ARHGAP42: variants seen among roughly 807,000 people sequenced by gnomAD.
The protein encoded by ARHGAP42 is Rho GTPase activating protein 42.
A neutral mutation model predicts 125.0 loss-of-function variants in ARHGAP42; 63 were observed. That is an observed-to-expected ratio of 0.50 (90% CI 0.41 to 0.62). ARHGAP42 has a LOEUF of 0.62. Ranked by LOEUF, ARHGAP42 falls within the 20% of genes least tolerant of loss-of-function variation. The pLI, the probability that ARHGAP42 is intolerant of heterozygous loss-of-function variation, is 0.00. For synonymous variants in ARHGAP42, 339 were observed against 351.0 expected (o/e 0.97, Z 0.38); for missense variants, 766 against 1,024.2 (o/e 0.75, Z 3.44).
chr11:100,731,493 C>A (rs1361797567), intron 1 of ARHGAP42, among the ~76,000 whole-genome samples: 1 of 152,146 alleles, frequency 6.6e-6, no homozygotes, highest in Non-Finnish European at 1.5e-5. Context: ...CAGTAAATAA[C>A]TTCATCCTAA....
intron 1 of ARHGAP42, among the ~76,000 whole-genome samples, chr11:100,696,647 G>A (rs1861290280): frequency 6.6e-6 from 1 of 151,628 alleles, no homozygotes; most frequent in South Asian, 2.1e-4. Context: ...GAACCACTGT[G>A]CCCGGCCCCC....
At chr11:100,803,249 T>C (rs563700725) in intron 3 of ARHGAP42, among the ~76,000 whole-genome samples, 20 of 152,048 alleles carry the variant, frequency 1.3e-4, no homozygotes, top group African/African-American at 3.1e-4. Context: ...AGATGCGTAC[T>C]GTATATCTAA....
chr11:100,976,371 C>T lies in ARHGAP42; in HGVS notation c.2170C>T (p.Pro724Ser), dbSNP rs1188671437. 8 of 1,550,112 alleles carry T rather than the reference C, an allele frequency of 5.2e-6. No individual in the cohort carries two copies. The African/African-American group carries it at 8.2e-5, about 16-fold the overall frequency. Residue 724 changes from proline (P) to serine (S), a missense_variant, in exon 20 of 24, where the codon CCT becomes TCT. Physicochemically the swap from Pro to Ser is moderately conservative, Grantham distance 74. Transcript: ENST00000298815. ...ACCCATAGACCTAGTCAAGAAAGAG[C>T]CTTATGGGCTTTCAGGACTGAAAAG... ...SPPIDLVKKE[P>S]YGLSGLKRAS...
At position 100,756,970 on chromosome 11, in the gene ARHGAP42, G is replaced by A. The variant is rs184417687; in HGVS notation, c.155-13373G>A. Among the ~76,000 whole-genome samples the A allele has an allele frequency of 7.4e-3, 1,123 of 152,132 alleles. 8 individuals carry two copies. Among genetic ancestry groups the A allele is most frequent in the Middle Eastern group, 0.024 (7 of 294 alleles). ...TCTGATCAGTATCATGAATCACCCC[G>A]TAATAATAAAAATAATACTTTAAAC... On this transcript the variant is annotated intron_variant, in intron 1 of 23. Coordinates refer to ENST00000298815, the MANE Select transcript of ARHGAP42 (RefSeq NM_152432.4).
At chr11:100,859,444 A>C in intron 3 of ARHGAP42, 110 bp from the exon 4 acceptor site, 1 of 888,940 alleles carries the variant, frequency 1.1e-6, no homozygotes, top group South Asian at 1.8e-5. Flanking sequence ...TTATAGATGC[A>C]AACAAAAACA....
chr11:100,893,158 G>GGTGTGTGTGTGTGT (rs142725608), intron 4 of ARHGAP42, among the ~76,000 whole-genome samples: 1,592 of 147,048 alleles, frequency 0.011, 19 homozygotes, highest in East Asian at 0.034. Context: ...AACATTTAGG[G>GGTGTGTGTGTGTGT]GTGTGTGTGT....
At chr11:100,858,131 A>C (rs969873560) in intron 3 of ARHGAP42, among the ~76,000 whole-genome samples, 1 of 66,492 alleles carries the variant, frequency 1.5e-5, no homozygotes, top group African/African-American at 4.7e-5. Context: ...GTGTTTATGT[A>C]ATTAGGGTTT....
intron 20 of ARHGAP42, among the ~76,000 whole-genome samples, 152 bp from the exon 21 acceptor site, chr11:100,976,663 C>A (rs1037070617): frequency 6.6e-6 from 1 of 152,120 alleles, no homozygotes; most frequent in African/African-American, 2.4e-5. Flanking sequence ...TTTTGATCTC[C>A]CCAAGTGATG....
chr11:100,902,984 G>T (rs150648578), intron 4 of ARHGAP42, among the ~76,000 whole-genome samples: 82 of 152,228 alleles, frequency 5.4e-4, no homozygotes, highest in Middle Eastern at 3.4e-3. Flanking sequence ...AGCATGAATG[G>T]AGATGTGCCA....
intron 18 of ARHGAP42, 80 bp downstream of exon 18, chr11:100,973,414 C>T (rs931926609): frequency 4.3e-6 from 6 of 1,410,408 alleles, no homozygotes; most frequent in African/African-American, 1.5e-5. Flanking sequence ...TCTGTGAGCT[C>T]ATGAGTTTTG....
In ARHGAP42 at chr11:100,697,383, C is replaced by T. The variant is rs551159572; in HGVS notation, c.154+9551C>T. Reference sequence around the variant, plus strand: ...ATTTTTAGTAGAGACGGGGTTTCACCGTGTTAGCCAGGATGGTCTCCATCT... The same window carrying T: ...ATTTTTAGTAGAGACGGGGTTTCACTGTGTTAGCCAGGATGGTCTCCATCT... On this transcript the variant is annotated intron_variant, in intron 1 of 23. Coordinates refer to ENST00000298815, the MANE Select transcript of ARHGAP42 (RefSeq NM_152432.4). Among the ~76,000 whole-genome samples, 3 of 152,214 alleles carry T rather than the reference C, an allele frequency of 2.0e-5. No homozygotes were observed. In the South Asian group the frequency reaches 6.2e-4, roughly 32 times the overall value.
chr11:100,698,878 A>C (rs982983412), intron 1 of ARHGAP42, among the ~76,000 whole-genome samples: 1 of 152,148 alleles, frequency 6.6e-6, no homozygotes, highest in Non-Finnish European at 1.5e-5. Context: ...ATGAGCTAAG[A>C]GGGAGTTTTT....
chr11:100,938,054 A>ATTT (rs35164833), intron 8 of ARHGAP42, among the ~76,000 whole-genome samples: 31 of 147,300 alleles, frequency 2.1e-4, no homozygotes, highest in African/African-American at 7.2e-4. Context: ...CTCTTCTCTG[A>ATTT]TTTTTTTTTT....
intron 4 of ARHGAP42, among the ~76,000 whole-genome samples, chr11:100,911,362 G>A (rs925916417): frequency 6.6e-5 from 10 of 152,062 alleles, no homozygotes; most frequent in African/African-American, 2.4e-4. Flanking sequence ...GCTGTAAGTA[G>A]AACATGAACC....
intron 6 of ARHGAP42, among the ~76,000 whole-genome samples, chr11:100,929,017 G>A (rs1867502910): frequency 6.6e-6 from 1 of 152,084 alleles, no homozygotes; most frequent in Non-Finnish European, 1.5e-5. Context: ...CCAAATATTA[G>A]TTGATAGGTA....
In ARHGAP42 at chr11:100,960,137, A is replaced by G. The variant is rs138793914; in HGVS notation, c.1225+192A>G. ...TTCAGTTTACTAAAAATCATGCTTT[A>G]GGCATACTTCTTTTTTAGATTTTTT... is the stretch of plus-strand genomic sequence containing the variant. On this transcript the variant is annotated intron_variant, in intron 13 of 23. Transcript: ENST00000298815. Among the ~76,000 whole-genome samples the G allele has an allele frequency of 5.9e-3, 897 of 152,244 alleles. 8 individuals carry two copies. Among genetic ancestry groups the G allele is most frequent in the African/African-American group, 0.02 (824 of 41,542 alleles).
chr11:100,942,156 GGCA>G (rs1237047821), intron 9 of ARHGAP42, among the ~76,000 whole-genome samples: 1 of 152,068 alleles, frequency 6.6e-6, no homozygotes, highest in Non-Finnish European at 1.5e-5. Context: ...TCACATTTCC[GGCA>G]GCAGAGTTAT....
intron 23 of ARHGAP42, among the ~76,000 whole-genome samples, chr11:100,988,085 A>G (rs1193980014): frequency 1.3e-5 from 2 of 152,114 alleles, no homozygotes; most frequent in Non-Finnish European, 2.9e-5. Flanking sequence ...CTGAGATGGC[A>G]CCACTGCACT....
At chr11:100,726,080 TAAAAAA>T (rs34713091) in intron 1 of ARHGAP42, among the ~76,000 whole-genome samples, 39 of 125,466 alleles carry the variant, frequency 3.1e-4, no homozygotes, top group Non-Finnish European at 6.1e-4. Context: ...CTTGTCTCTC[TAAAAAA>T]AAAAAAAAAA....
Sources: gnomAD v4.1 joint callset for allele counts (sites outside exome capture counted in the v4.1 genomes callset) on GRCh38, gnomAD v4.1.1 for gene constraint, MANE v1.5 for transcripts, NCBI Gene and HGNC (gene_info 2026-07-23, HGNC 2026-07-21) for gene names.